LRCH1: variants seen among roughly 807,000 people sequenced by gnomAD.
LRCH1 encodes the protein leucine-rich repeat and calponin homology domain-containing protein 1.
Under a neutral mutation model 94.9 loss-of-function variants are expected in LRCH1, and 23 were observed. That is an observed-to-expected ratio of 0.24 (90% CI 0.17 to 0.34). The LOEUF is 0.34. Ranked by LOEUF, LRCH1 falls within the 10% of genes least tolerant of loss-of-function variation. The probability of loss-of-function intolerance (pLI) is 1.00; values close to 1 mark genes in which losing one functional copy is unlikely to be tolerated. For missense variants in LRCH1, 790 were observed against 945.9 expected (o/e 0.84, Z 2.16); for synonymous variants, 364 against 354.9 (o/e 1.03, Z -0.29).
intron 3 of LRCH1, among the ~76,000 whole-genome samples, chr13:46,678,546 C>T (rs1566219602): frequency 6.6e-6 from 1 of 152,136 alleles, no homozygotes; most frequent in Admixed American, 6.5e-5. Context: ...TGACCTTCAC[C>T]ATATACCCTC....
At chr13:46,728,755 A>G (rs1872952064) in intron 17 of LRCH1, 92 bp from the exon 18 acceptor site, 11 of 1,168,850 alleles carry the variant, frequency 9.4e-6, no homozygotes, top group Non-Finnish European at 1.3e-5. Flanking sequence ...TGATGAAATT[A>G]GTGCCTCAGT....
intron 18 of LRCH1, among the ~76,000 whole-genome samples, chr13:46,732,325 A>G (rs1257396353): frequency 6.6e-6 from 1 of 152,208 alleles, no homozygotes; most frequent in African/African-American, 2.4e-5. Flanking sequence ...TGACAATTTG[A>G]TAAGCAAAAC....
At chr13:46,638,917 A>G (rs2051125861) in intron 1 of LRCH1, among the ~76,000 whole-genome samples, 1 of 152,048 alleles carries the variant, frequency 6.6e-6, no homozygotes, top group Admixed American at 6.6e-5. Context: ...TTTATTTGTT[A>G]TTTGTGAAGT....
intron 1 of LRCH1, among the ~76,000 whole-genome samples, chr13:46,568,170 A>T (rs1207342653): frequency 1.3e-5 from 2 of 152,200 alleles, no homozygotes; most frequent in African/African-American, 4.8e-5. Flanking sequence ...AACACAATAG[A>T]TCACTGGGAA....
intron 11 of LRCH1, among the ~76,000 whole-genome samples, chr13:46,703,724 A>G (rs1871607067): frequency 1.3e-5 from 2 of 152,130 alleles, no homozygotes; most frequent in Non-Finnish European, 2.9e-5. Flanking sequence ...TAGTGATATC[A>G]CAGAATGCTT....
In LRCH1 at chr13:46,625,631, G is replaced by GTT. The variant is rs149512536; in HGVS notation, c.308-24570_308-24569insTT. On this transcript the variant is annotated intron_variant, in intron 1 of 19. Coordinates refer to ENST00000389797, the MANE Select transcript of LRCH1 (RefSeq NM_001164211.2). ...AGAACTATGAGAAATAAATGTGTGG[G>GTT]GTTTTTTTTTTTTTTTTTTTTTGGT... 9.1e-3 allele frequency among the ~76,000 whole-genome samples: 1,141 copies of GTT among 126,004 alleles called. 35 individuals are homozygous for GTT. Among genetic ancestry groups the GTT allele is most frequent in the Middle Eastern group, 0.025 (5 of 202 alleles). 82.7% of individuals were successfully genotyped at this position (126,004 alleles called of 152,430 possible).
intron 17 of LRCH1, among the ~76,000 whole-genome samples, chr13:46,726,154 A>G (rs953145438): frequency 1.3e-5 from 2 of 152,208 alleles, no homozygotes; most frequent in Non-Finnish European, 1.5e-5. Flanking sequence ...TAAGGTTTGA[A>G]AATCGATTTC....
intron 10 of LRCH1, among the ~76,000 whole-genome samples, chr13:46,700,819 G>A (rs842396): frequency 6.6e-6 from 1 of 152,058 alleles, no homozygotes; most frequent in African/African-American, 2.4e-5. Context: ...AAAGCACAAC[G>A]GTGAAAGCCT....
At chr13:46,684,125 T>A (rs1319966986) in intron 4 of LRCH1, among the ~76,000 whole-genome samples, 1 of 152,218 alleles carries the variant, frequency 6.6e-6, no homozygotes, top group Non-Finnish European at 1.5e-5. Flanking sequence ...ATTTTATTCT[T>A]TCTAGGACTA....
intron 13 of LRCH1, among the ~76,000 whole-genome samples, chr13:46,709,254 A>G (rs747952348): frequency 2.6e-5 from 4 of 152,180 alleles, no homozygotes; most frequent in African/African-American, 9.7e-5. Flanking sequence ...ATATCCTCCT[A>G]AAGTAGGAAA....
At chr13:46,721,942 A>G (rs1872600092) in intron 16 of LRCH1, among the ~76,000 whole-genome samples, 1 of 152,260 alleles carries the variant, frequency 6.6e-6, no homozygotes, top group Admixed American at 6.5e-5. Context: ...GCATGTTCAA[A>G]GGCACAAATT....
At position 46,634,216 on chromosome 13, in the gene LRCH1, T is replaced by A. The variant is rs1348629966; in HGVS notation, c.308-15985T>A. Among the ~76,000 whole-genome samples, 6 of 152,182 alleles carry A rather than the reference T, an allele frequency of 3.9e-5. 1 individual carries two copies. The highest frequency in any genetic ancestry group is 8.8e-5 in the Non-Finnish European group (6 of 68,036). On this transcript the variant is annotated intron_variant, in intron 1 of 19. Coordinates refer to ENST00000389797, the MANE Select transcript of LRCH1 (RefSeq NM_001164211.2). ...TTTTGAGCATCTAGCACGTTTCCAG[T>A]CATTCATCCACGTCAGAAAGCCCCA...
rs1462249140 is a variant in LRCH1 at position 46,564,063 on chromosome 13, GA to G, written c.307+10361del. On this transcript the variant is annotated intron_variant, in intron 1 of 19. Transcript: ENST00000389797. Reference sequence around the variant, plus strand: ...TAATAACAGATGGTCCAAACCTGGGGAGAATAAGATAAAGCTAACGGTAGTT... The same window carrying G: ...TAATAACAGATGGTCCAAACCTGGGGGAATAAGATAAAGCTAACGGTAGTT... 2.0e-5 allele frequency among the ~76,000 whole-genome samples: 3 copies of G among 152,294 alleles called. No homozygotes were observed. The East Asian group carries it at 5.8e-4, about 29-fold the overall frequency.
rs556261260 is a variant in LRCH1, at chr13:46,688,269, T to A, written c.950+290T>A. Among the ~76,000 whole-genome samples, 3 of 152,340 alleles carry A rather than the reference T, an allele frequency of 2.0e-5. No individual in the cohort carries two copies. In the South Asian group the frequency reaches 6.2e-4, roughly 32 times the overall value. The stretch of plus-strand genomic sequence containing the variant: ...TCTTCCTGAGTAAATATGTGCATAC[T>A]TATAAATAAGATCTAGAATACAAAT... On this transcript the variant is annotated intron_variant, in intron 6 of 19. Coordinates refer to ENST00000389797, the MANE Select transcript of LRCH1 (RefSeq NM_001164211.2).
intron 1 of LRCH1, among the ~76,000 whole-genome samples, chr13:46,594,376 T>C (rs2050535498): frequency 6.6e-6 from 1 of 152,182 alleles, no homozygotes; most frequent in Non-Finnish European, 1.5e-5. Context: ...CCTAGAACCT[T>C]ATAGAACAAG....
intron 8 of LRCH1, 107 bp downstream of exon 8, chr13:46,692,748 C>T (rs2138162890): frequency 1.3e-6 from 1 of 780,916 alleles, no homozygotes; most frequent in Non-Finnish European, 2.1e-6. Flanking sequence ...TAGAGTATGT[C>T]CTATGTACCA....
In LRCH1 at chr13:46,557,938, C is replaced by T. The variant is rs1389471702; in HGVS notation, c.307+4235C>T. The stretch of plus-strand genomic sequence containing the variant: ...GCGCATGCCTGTAGTTCCAGCTATG[C>T]GGACGGCTGAGGTGGGAAGCCCATA... On this transcript the variant is annotated intron_variant, in intron 1 of 19. Coordinates refer to ENST00000389797, the MANE Select transcript of LRCH1 (RefSeq NM_001164211.2). Among the ~76,000 whole-genome samples, 3 of 152,000 alleles carry T rather than the reference C, an allele frequency of 2.0e-5. No homozygotes were observed. The South Asian group carries it at 6.2e-4, about 32-fold the overall frequency.
chr13:46,610,019 C>G (rs1312582509), intron 1 of LRCH1, among the ~76,000 whole-genome samples: 2 of 152,106 alleles, frequency 1.3e-5, no homozygotes, highest in Admixed American at 1.3e-4. Context: ...TCTCCACTTT[C>G]TTTTTCTCCT....
intron 1 of LRCH1, among the ~76,000 whole-genome samples, chr13:46,581,598 A>T (rs939000373): frequency 6.6e-6 from 1 of 152,212 alleles, no homozygotes; most frequent in Admixed American, 6.5e-5. Flanking sequence ...CCCGTGTTAG[A>T]TGTGAGGAAT....
Sources: gnomAD v4.1 joint callset for allele counts (sites outside exome capture counted in the v4.1 genomes callset) on GRCh38, gnomAD v4.1.1 for gene constraint, MANE v1.5 for transcripts, NCBI Gene and HGNC (gene_info 2026-07-23, HGNC 2026-07-21) for gene names.